Variants in LARP4B observed in about 807,000 individuals in gnomAD.
LARP4B encodes the protein La ribonucleoprotein 4B.
LARP4B carries 12 observed loss-of-function variants against 89.8 expected under a neutral mutation model. The observed-to-expected ratio is 0.13, with a 90% CI of 0.09 to 0.22. The LOEUF is 0.22. Among genes scored for constraint, LARP4B ranks in the 10% least tolerant of loss-of-function variants. The pLI, the probability that LARP4B is intolerant of heterozygous loss-of-function variation, is 1.00. For missense variants in LARP4B, 757 were observed against 947.7 expected, an observed-to-expected ratio of 0.80 and a Z score of 2.64; for synonymous variants, 367 against 363.3, an observed-to-expected ratio of 1.01 and a Z score of -0.12.
chr10:979,726 C>T, the LARP4B span, among the ~76,000 whole-genome samples: 67,446 of 152,000 alleles, frequency 0.44, 16,020 homozygotes, highest in East Asian at 0.59. Context: ...AATCCCAGCA[C>T]TTTGGGAGGC....
the LARP4B span, among the ~76,000 whole-genome samples, chr10:949,861 G>A: frequency 6.6e-6 from 1 of 152,088 alleles, no homozygotes; most frequent in African/African-American, 2.4e-5. Flanking sequence ...AGGCTGCAGT[G>A]CAGTGGTGCG....
chr10:852,860 C>T lies in LARP4B; in HGVS notation c.431-7805G>A, dbSNP rs561078332. Among the ~76,000 whole-genome samples the T allele has an allele frequency of 2.0e-5, 3 of 152,242 alleles. No homozygotes were observed. In the South Asian group the frequency reaches 6.2e-4, roughly 32 times the overall value. ...AACTGCAAATACAAATTTTAAAAAT[C>T]ACTTACAATAGCACCAAAAAATATA... is the stretch of plus-strand genomic sequence containing the variant. On this transcript the variant is annotated intron_variant, in intron 5 of 17. Transcript: ENST00000316157.
rs34586444 is a variant in LARP4B, at chr10:900,919, C to CTTT, written c.-39-15162_-39-15160dup. On this transcript the variant is annotated intron_variant, in intron 1 of 17. Coordinates refer to ENST00000316157, the MANE Select transcript of LARP4B (RefSeq NM_015155.3). ...GGTGTGAGCCACCAGCGCCTGGCCTCTTTTTTTTTTTTTTTTTGAGACGGA... is the reference window on the plus strand; with the variant it reads ...GGTGTGAGCCACCAGCGCCTGGCCTCTTTTTTTTTTTTTTTTTTTTGAGACGGA... 6.4e-3 allele frequency among the ~76,000 whole-genome samples: 646 copies of CTTT among 101,192 alleles called. 18 individuals carry two copies. Among genetic ancestry groups the CTTT allele is most frequent in the African/African-American group, 0.022 (561 of 25,920 alleles). The allele number at this position is 101,192 out of a possible 152,430, so 66.4% of individuals were successfully genotyped here. A position where few individuals can be genotyped will look rare whatever the true frequency, so the allele number is the denominator to read the frequency against.
At chr10:947,773 C>A in the LARP4B span, among the ~76,000 whole-genome samples, 1 of 152,068 alleles carries the variant, frequency 6.6e-6, no homozygotes, top group Non-Finnish European at 1.5e-5. Context: ...AGGGATGCGC[C>A]ACCACGCCCG....
intron 1 of LARP4B, among the ~76,000 whole-genome samples, chr10:929,225 AAAAAC>A (rs1374000605): frequency 6.6e-6 from 1 of 151,900 alleles, no homozygotes; most frequent in Non-Finnish European, 1.5e-5. Flanking sequence ...ACAAGCCAAA[AAAAAC>A]AAAACAAAAA....
chr10:870,605 G>T (rs1024653686), intron 3 of LARP4B, among the ~76,000 whole-genome samples: 1 of 152,188 alleles, frequency 6.6e-6, no homozygotes, highest in Non-Finnish European at 1.5e-5. Context: ...AGTGGACTTG[G>T]CGTTTCCTTC....
chr10:866,155 T>C (rs573555045), intron 3 of LARP4B, among the ~76,000 whole-genome samples: 1 of 152,350 alleles, frequency 6.6e-6, no homozygotes, highest in South Asian at 2.1e-4. Flanking sequence ...ATGAGCACCA[T>C]GCCCATAAAA....
the LARP4B span, among the ~76,000 whole-genome samples, chr10:943,493 G>C: frequency 4.6e-5 from 7 of 152,132 alleles, no homozygotes; most frequent in Admixed American, 3.3e-4. Context: ...GCAGTGGTGC[G>C]ATCATGGCTC....
intron 1 of LARP4B, among the ~76,000 whole-genome samples, chr10:927,014 T>C (rs1034525110): frequency 8.8e-5 from 13 of 148,240 alleles, no homozygotes; most frequent in African/African-American, 3.2e-4. Context: ...CGCTCCAGCC[T>C]GGGCAACAGA....
intron 3 of LARP4B, among the ~76,000 whole-genome samples, chr10:870,680 A>G (rs571794075): frequency 2.0e-4 from 31 of 152,320 alleles, no homozygotes; most frequent in African/African-American, 7.5e-4. Context: ...TCTGGGGTCA[A>G]TACTATCTTT....
At chr10:860,012 T>G (rs1180494246) in intron 5 of LARP4B, among the ~76,000 whole-genome samples, 1 of 150,996 alleles carries the variant, frequency 6.6e-6, no homozygotes. Context: ...TGAGCCCTCA[T>G]GTAAACTGTA....
At chr10:957,722 T>C in the LARP4B span, among the ~76,000 whole-genome samples, 21 of 152,128 alleles carry the variant, frequency 1.4e-4, no homozygotes, top group Middle Eastern at 3.2e-3. Context: ...GGGTATGATT[T>C]TGGCCTTTTG....
At chr10:948,984 C>T in the LARP4B span, among the ~76,000 whole-genome samples, 9 of 152,238 alleles carry the variant, frequency 5.9e-5, no homozygotes, top group African/African-American at 9.6e-5. Flanking sequence ...GTCATGTGAA[C>T]GTCAGTCTTC....
At chr10:819,821 G>A (rs1213151973) in intron 14 of LARP4B, 1 of 152,262 alleles carries the variant, frequency 6.6e-6, no homozygotes, top group Non-Finnish European at 1.5e-5. Flanking sequence ...TCTAAACAGA[G>A]ATTGTATCTT....
At chr10:847,743 C>A (rs2131755500) in intron 5 of LARP4B, among the ~76,000 whole-genome samples, 1 of 152,234 alleles carries the variant, frequency 6.6e-6, no homozygotes, top group African/African-American at 2.4e-5. Flanking sequence ...GTTGGTCAGG[C>A]TGGTCTCGAA....
the LARP4B span, among the ~76,000 whole-genome samples, chr10:948,699 T>A: frequency 6.6e-6 from 1 of 152,356 alleles, no homozygotes; most frequent in African/African-American, 2.4e-5. Context: ...TGGTAAGGCC[T>A]CCATTGCTGT....
chr10:893,438 C>G (rs765058117), intron 1 of LARP4B, among the ~76,000 whole-genome samples: 4 of 152,154 alleles, frequency 2.6e-5, no homozygotes, highest in Non-Finnish European at 5.9e-5. Context: ...TAAGTAAACT[C>G]CACGTGGTCA....
At chr10:914,725 C>T (rs1030934163) in intron 1 of LARP4B, among the ~76,000 whole-genome samples, 19 of 145,572 alleles carry the variant, frequency 1.3e-4, no homozygotes, top group African/African-American at 4.3e-4. Context: ...AACCGAGACC[C>T]GGGAGGCGGA....
At chr10:972,722 A>G in the LARP4B span, 1 of 457,124 alleles carries the variant, frequency 2.2e-6, no homozygotes, top group African/African-American at 2.0e-5. Context: ...CTACATTGAG[A>G]TCTGATATTG....
Sources: allele counts gnomAD v4.1 joint callset (sites outside exome capture counted in the v4.1 genomes callset), GRCh38; gene constraint gnomAD v4.1.1; transcripts MANE v1.5; gene names NCBI Gene and HGNC (gene_info 2026-07-23, HGNC 2026-07-21).